FBXO40: variants seen among roughly 807,000 people sequenced by gnomAD.
FBXO40 encodes the protein F-box only protein 40.
Under a neutral mutation model 49.9 loss-of-function variants are expected in FBXO40, and 50 were observed. That is an observed-to-expected ratio of 1.00 (90% CI 0.80 to 1.27). FBXO40 has a LOEUF of 1.27. Ranked by LOEUF, FBXO40 falls within the 50% of genes most tolerant of loss-of-function variation. The pLI, the probability that FBXO40 is intolerant of heterozygous loss-of-function variation, is 0.00. For missense variants in FBXO40, 895 were observed against 870.1 expected (o/e 1.03, Z -0.36); for synonymous variants, 340 against 320.2 (o/e 1.06, Z -0.66).
intron 1 of FBXO40, among the ~76,000 whole-genome samples, chr3:121,596,186 C>T (rs1033104782): frequency 2.0e-5 from 3 of 152,348 alleles, no homozygotes; most frequent in East Asian, 1.9e-4. Context: ...TTCTTCCACG[C>T]TTTGTCCTAC....
At chr3:121,621,226 A>G (rs1398244532) in intron 2 of FBXO40, among the ~76,000 whole-genome samples, 1 of 152,348 alleles carries the variant, frequency 6.6e-6, no homozygotes. Flanking sequence ...TCTACTACAT[A>G]TATATAATAA....
At chr3:121,614,437 G>A (rs2048985910) in intron 1 of FBXO40, among the ~76,000 whole-genome samples, 1 of 150,552 alleles carries the variant, frequency 6.6e-6, no homozygotes, top group South Asian at 2.1e-4. Flanking sequence ...GTGAGACTCT[G>A]TCTCAAAAAA....
chr3:121,622,432 GT>G lies in FBXO40; in HGVS notation c.1006del (p.Tyr336MetfsTer19). Reference protein sequence around the residue: ...PACTPKERDFVYGKLEAQEVK... With the variant: ...PACTPKERDFXYGKLEAQEVK... Reference sequence around the variant, plus strand: ...TTGTACACCCAAGGAGAGAGACTTTGTTTATGGCAAGCTGGAGGCTCAGGAA... The same window carrying G: ...TTGTACACCCAAGGAGAGAGACTTTGTTATGGCAAGCTGGAGGCTCAGGAA... On this transcript the variant is annotated frameshift_variant, in exon 3 of 4. Coordinates refer to ENST00000338040, the MANE Select transcript of FBXO40 (RefSeq NM_016298.4). LOFTEE classifies it high-confidence loss of function. The G allele has an allele frequency of 6.2e-7, 1 of 1,614,224 alleles. No homozygotes were observed. Among genetic ancestry groups the G allele is most frequent in the Non-Finnish European group, 8.5e-7 (1 of 1,180,048 alleles).
Position 121,627,032 on chromosome 3 carries a change from T to C in FBXO40, c.*122T>C, listed in dbSNP as rs368554295. 24 of 842,570 alleles carry C rather than the reference T, an allele frequency of 2.8e-5. No individual in the cohort carries two copies. Among genetic ancestry groups the C allele is most frequent in the Middle Eastern group, 2.9e-4 (1 of 3,460 alleles). The allele number at this position is 842,570 out of a possible 1,614,324, so 52.2% of individuals were successfully genotyped here. ...CTGCCTATTTGCTTATCGGGGTGTA[T>C]TGGAACACGCAATGTCCTTCGAAAC... On this transcript the variant is annotated 3_prime_UTR_variant, in exon 4 of 4. Coordinates refer to ENST00000338040, the MANE Select transcript of FBXO40 (RefSeq NM_016298.4).
chr3:121,607,125 C>T (rs2048935672), intron 1 of FBXO40, among the ~76,000 whole-genome samples: 1 of 151,692 alleles, frequency 6.6e-6, no homozygotes, highest in Non-Finnish European at 1.5e-5. Flanking sequence ...ATTAGCTGGG[C>T]ATAGTGGTGC....
chr3:121,594,898 T>C (rs2048863618), intron 1 of FBXO40, among the ~76,000 whole-genome samples: 1 of 152,240 alleles, frequency 6.6e-6, no homozygotes, highest in Non-Finnish European at 1.5e-5. Flanking sequence ...TCAAAAGTTA[T>C]AACTTTAGAC....
chr3:121,616,261 G>A (rs1185392784), intron 1 of FBXO40, among the ~76,000 whole-genome samples: 1 of 152,164 alleles, frequency 6.6e-6, no homozygotes, highest in Admixed American at 6.5e-5. Context: ...AGTAGCCCCA[G>A]TGGGGTCCAG....
At chr3:121,608,376 AT>A in intron 1 of FBXO40, among the ~76,000 whole-genome samples, 1 of 152,156 alleles carries the variant, frequency 6.6e-6, no homozygotes, top group Non-Finnish European at 1.5e-5. Context: ...TCCTTTTCCA[AT>A]TGCAGGGCCC....
At chr3:121,618,119 C>T (rs1023507289) in intron 1 of FBXO40, among the ~76,000 whole-genome samples, 5 of 152,030 alleles carry the variant, frequency 3.3e-5, no homozygotes, top group African/African-American at 1.2e-4. Context: ...CAAAATATTG[C>T]ATATACCCCC....
At chr3:121,595,971 G>T (rs1218109707) in intron 1 of FBXO40, among the ~76,000 whole-genome samples, 1 of 152,114 alleles carries the variant, frequency 6.6e-6, no homozygotes, top group East Asian at 1.9e-4. Context: ...TCATGTGAGG[G>T]GTGCTGAGAG....
intron 1 of FBXO40, among the ~76,000 whole-genome samples, chr3:121,617,447 T>G (rs1488483318): frequency 6.6e-6 from 1 of 151,542 alleles, no homozygotes; most frequent in East Asian, 2.0e-4. Context: ...TACAAAAAAT[T>G]AGCTGGGCAT....
chr3:121,621,138 T>C (rs1397178600), intron 2 of FBXO40, among the ~76,000 whole-genome samples: 1 of 152,246 alleles, frequency 6.6e-6, no homozygotes, highest in Non-Finnish European at 1.5e-5. Flanking sequence ...AAATAACCTG[T>C]AATCCACAAC....
At chr3:121,618,386 G>GTTTTTTTTT (rs34900150) in intron 1 of FBXO40, among the ~76,000 whole-genome samples, 1 of 120,268 alleles carries the variant, frequency 8.3e-6, no homozygotes, top group African/African-American at 3.2e-5. Context: ...TTTCCTTCTT[G>GTTTTTTTTT]TTTTTTTTTT....
rs561720579 is a variant in FBXO40, at chr3:121,609,446, C to T, written c.-30-11100C>T. Among the ~76,000 whole-genome samples the T allele has an allele frequency of 4.6e-5, 7 of 151,040 alleles. No homozygotes were observed. The South Asian group carries it at 1.5e-3, about 32-fold the overall frequency. Reference sequence around the variant, plus strand: ...TTTGCAGTTGTAGATTCTTCAAGTCCTTAGCTAGAGCATTTCCAGACAAGT... The same window carrying T: ...TTTGCAGTTGTAGATTCTTCAAGTCTTTAGCTAGAGCATTTCCAGACAAGT... On this transcript the variant is annotated intron_variant, in intron 1 of 3. Transcript: ENST00000338040.
At chr3:121,617,752 C>A (rs1227851760) in intron 1 of FBXO40, among the ~76,000 whole-genome samples, 7 of 152,274 alleles carry the variant, frequency 4.6e-5, no homozygotes, top group African/African-American at 1.7e-4. Context: ...GTAATCTCAG[C>A]ACTTTTGGAG....
Position 121,622,226 on chromosome 3 carries a change from A to G in FBXO40, c.797A>G (p.Lys266Arg), listed in dbSNP as rs1560132607. 6.2e-7 allele frequency: 1 copy of G among 1,614,114 alleles called. No homozygotes were observed. Among genetic ancestry groups the G allele is most frequent in the South Asian group, 1.1e-5 (1 of 90,998 alleles). ...NMVEGEGAPK[K>R]KEPQENQKQQ... The stretch of plus-strand genomic sequence containing the variant: ...GTAGAAGGAGAGGGCGCTCCCAAAA[A>G]GAAAGAACCACAGGAAAATCAGAAG... Residue 266 changes from lysine (K) to arginine (R), a missense_variant, in exon 3 of 4, where the codon AAG (lysine) becomes AGG (arginine). By Grantham distance (26) the Lys-to-Arg change is conservative. Coordinates refer to ENST00000338040, the MANE Select transcript of FBXO40 (RefSeq NM_016298.4).
chr3:121,612,182 A>C (rs1433768818), intron 1 of FBXO40, among the ~76,000 whole-genome samples: 1 of 152,132 alleles, frequency 6.6e-6, no homozygotes, highest in African/African-American at 2.4e-5. Context: ...TTTCTGGCAT[A>C]AGGCTGTCAG....
chr3:121,596,708 C>G (rs932657364), intron 1 of FBXO40, among the ~76,000 whole-genome samples: 1 of 152,204 alleles, frequency 6.6e-6, no homozygotes, highest in African/African-American at 2.4e-5. Flanking sequence ...ATAAATCCAG[C>G]CCACTGAGGT....
At chr3:121,598,259 G>C (rs1263453698) in intron 1 of FBXO40, among the ~76,000 whole-genome samples, 1 of 152,202 alleles carries the variant, frequency 6.6e-6, no homozygotes, top group Non-Finnish European at 1.5e-5. Flanking sequence ...AAAAGAGCAA[G>C]CAAGGGAGAG....
Sources: allele counts gnomAD v4.1 joint callset (sites outside exome capture counted in the v4.1 genomes callset), GRCh38; gene constraint gnomAD v4.1.1; transcripts MANE v1.5; gene names NCBI Gene and HGNC (gene_info 2026-07-23, HGNC 2026-07-21).